Variants in STARD8 observed in about 807,000 individuals in gnomAD.
The protein encoded by STARD8 is StAR related lipid transfer domain containing 8.
A neutral mutation model predicts 69.4 loss-of-function variants in STARD8; 25 were observed. That is an observed-to-expected ratio of 0.36 (90% CI 0.26 to 0.50). STARD8 has a LOEUF of 0.50. Among genes scored for constraint, STARD8 ranks in the 20% least tolerant of loss-of-function variants. The pLI, the probability that STARD8 is intolerant of heterozygous loss-of-function variation, is 0.96. For synonymous variants in STARD8, 389 were observed against 374.6 expected (o/e 1.04, Z -0.45); for missense variants, 921 against 932.5 (o/e 0.99, Z 0.16).
intron 1 of STARD8, among the ~76,000 whole-genome samples, chrX:68,663,725 ATTC>A (rs1368778934): frequency 8.1e-5 from 9 of 111,547 alleles, no homozygotes; most frequent in African/African-American, 2.9e-4. Context: ...ATCCTTTCTC[ATTC>A]TTCTTTCCTC....
chrX:68,692,991 C>T (rs1275290460), intron 2 of STARD8, among the ~76,000 whole-genome samples: 1 of 113,078 alleles, frequency 8.8e-6, no homozygotes, highest in East Asian at 2.8e-4. Flanking sequence ...GAAATCAAAG[C>T]CGAAGGCTCT....
At chrX:68,719,497 C>T in intron 7 of STARD8, 99 bp downstream of exon 7, 1 of 964,561 alleles carries the variant, frequency 1.0e-6, no homozygotes, top group Non-Finnish European at 1.4e-6. Flanking sequence ...CAGGCAGGGC[C>T]CACAGGCCAG....
intron 1 of STARD8, among the ~76,000 whole-genome samples, chrX:68,653,306 CCA>C (rs1569351243): frequency 2.8e-5 from 1 of 35,833 alleles, no homozygotes; most frequent in Non-Finnish European, 5.5e-5. Context: ...CACACACACA[CCA>C]CACCACACAC....
intron 2 of STARD8, among the ~76,000 whole-genome samples, chrX:68,668,199 CT>C (rs1252883253): frequency 1.0e-5 from 1 of 97,263 alleles, no homozygotes; most frequent in South Asian, 5.2e-4. Flanking sequence ...CCCTTCCTTC[CT>C]TCCTTCCCTC....
chrX:68,718,030 G>T lies in STARD8; in HGVS notation c.1116G>T (p.Glu372Asp). Reference sequence around the variant, plus strand: ...CTGAGCCTGTAATGGTTGGGGCTGAGGCTGAAGATGAAGATGATGAGGAGA... The same window carrying T: ...CTGAGCCTGTAATGGTTGGGGCTGATGCTGAAGATGAAGATGATGAGGAGA... Reference protein sequence around the residue: ...YPAEPVMVGAEAEDEDDEESG... With the variant: ...YPAEPVMVGADAEDEDDEESG... The change falls in exon 6 of 15, where the codon GAG (glutamate) becomes GAT (aspartate). Residue 372 changes from glutamate (E) to aspartate (D), a missense_variant. Transcript: ENST00000374599. 8.3e-7 allele frequency: 1 copy of T among 1,210,947 alleles called. No individual in the cohort carries two copies. Among genetic ancestry groups the T allele is most frequent in the Non-Finnish European group, 1.1e-6 (1 of 895,144 alleles).
At chrX:68,721,154 G>C (rs746422114) in intron 9 of STARD8, 32 bp downstream of exon 9, 2 of 1,192,960 alleles carry the variant, frequency 1.7e-6, no homozygotes, top group South Asian at 3.6e-5. Context: ...CCAACAACCT[G>C]TCCCATTCTC....
intron 2 of STARD8, among the ~76,000 whole-genome samples, chrX:68,668,236 CTCTTTCTTTCTTTCTTTCTT>C (rs778005383): frequency 2.7e-5 from 2 of 73,211 alleles, no homozygotes; most frequent in Admixed American, 1.6e-4. Flanking sequence ...CTTTTTTCTC[CTCTTTCTTTCTTTCTTTCTT>C]TCTTTCTTTC....
At chrX:68,719,189 C>T in intron 6 of STARD8, 36 bp from the exon 7 acceptor site, 1 of 1,143,939 alleles carries the variant, frequency 8.7e-7, no homozygotes, top group Non-Finnish European at 1.2e-6. Flanking sequence ...ACCTGCTCCT[C>T]TGGGCTTCTC....
Position 68,714,510 on chromosome X carries a change from C to T in STARD8, c.152-784C>T, listed in dbSNP as rs760837878. On this transcript the variant is annotated intron_variant, in intron 3 of 14. Transcript: ENST00000374599. ...CACCTCTCTACAAGCAGCCTCCACC[C>T]CTACCAGCCTCCCTTTACACTATCA... 3.6e-5 allele frequency among the ~76,000 whole-genome samples: 4 copies of T among 112,253 alleles called. No homozygotes were observed. The South Asian group carries it at 1.5e-3, about 42-fold the overall frequency.
intron 1 of STARD8, among the ~76,000 whole-genome samples, chrX:68,653,376 A>C (rs1266324632): frequency 1.4e-4 from 2 of 14,778 alleles, no homozygotes; most frequent in African/African-American, 2.3e-4. Context: ...AACGCACACC[A>C]CACCACACAC....
At chrX:68,721,157 C>A in intron 9 of STARD8, 35 bp downstream of exon 9, 1 of 1,179,546 alleles carries the variant, frequency 8.5e-7, no homozygotes. Context: ...ACAACCTGTC[C>A]CATTCTCAAC....
intron 1 of STARD8, among the ~76,000 whole-genome samples, chrX:68,652,837 A>AC (rs1329322041): frequency 5.4e-5 from 2 of 37,310 alleles, no homozygotes; most frequent in African/African-American, 1.1e-4. Flanking sequence ...CACACCCCAC[A>AC]CACACCCCCA....
chrX:68,686,511 G>T (rs1310763933), intron 2 of STARD8, among the ~76,000 whole-genome samples: 1 of 112,702 alleles, frequency 8.9e-6, no homozygotes, highest in Non-Finnish European at 1.9e-5. Context: ...TCCGTGGGGT[G>T]TGGAGGGCAC....
chrX:68,672,151 C>A (rs2079732605), intron 2 of STARD8, among the ~76,000 whole-genome samples: 1 of 111,448 alleles, frequency 9.0e-6, no homozygotes, highest in East Asian at 2.8e-4. Context: ...GTTAAAAGTT[C>A]TTTATATTGA....
At chrX:68,697,359 G>T (rs982964282) in intron 2 of STARD8, among the ~76,000 whole-genome samples, 2 of 112,067 alleles carry the variant, frequency 1.8e-5, no homozygotes, top group Non-Finnish European at 3.8e-5. Flanking sequence ...AGAGGCCCAG[G>T]AAAGGTCCCA....
At chrX:68,662,025 T>TTTA (rs1413548016) in intron 1 of STARD8, among the ~76,000 whole-genome samples, 1 of 97,591 alleles carries the variant, frequency 1.0e-5, no homozygotes, top group Non-Finnish European at 2.0e-5. Context: ...TCTTTCTTTC[T>TTTA]TTTTGGAGTT....
rs1211396340 is a variant in STARD8 at position 68,689,627 on chromosome X, A to G, written c.80-23287A>G. On this transcript the variant is annotated intron_variant, in intron 2 of 14. Transcript: ENST00000374599. ...CTGAGCTTAGGGAGGGCAAGGGCAG[A>G]GAGGTTAGGTGACCCCTGAATCTCC... Among the ~76,000 whole-genome samples the G allele has an allele frequency of 4.4e-5, 5 of 112,435 alleles. No homozygotes were observed. In the East Asian group the frequency reaches 8.5e-4, roughly 19 times the overall value.
chrX:68,710,563 A>T (rs1321531488), intron 2 of STARD8, among the ~76,000 whole-genome samples: 1 of 112,127 alleles, frequency 8.9e-6, no homozygotes, highest in East Asian at 2.8e-4. Context: ...AGAACTTGGC[A>T]TTGACCTGAG....
At chrX:68,658,475 T>A (rs1453412042) in intron 1 of STARD8, among the ~76,000 whole-genome samples, 2 of 112,130 alleles carry the variant, frequency 1.8e-5, no homozygotes, top group African/African-American at 6.5e-5. Context: ...ACAGTCTCAT[T>A]ATATTTCACA....
Sources: allele counts gnomAD v4.1 joint callset (sites outside exome capture counted in the v4.1 genomes callset), GRCh38; gene constraint gnomAD v4.1.1; transcripts MANE v1.5; gene names NCBI Gene and HGNC (gene_info 2026-07-23, HGNC 2026-07-21).